The following BPIFB4 variants were observed in gnomAD, a reference collection of about 807,000 sequenced individuals.
BPIFB4 encodes BPI fold containing family B member 4.
A neutral mutation model predicts 69.2 loss-of-function variants in BPIFB4; 62 were observed. The observed-to-expected ratio is 0.90, with a 90% CI of 0.73 to 1.11. BPIFB4 has a LOEUF of 1.11. BPIFB4 is among the 50% of genes least tolerant of loss of function. BPIFB4 has a pLI of 0.00. For missense variants in BPIFB4, 789 were observed against 792.0 expected, an observed-to-expected ratio of 1.00 and a Z score of 0.04; for synonymous variants, 330 against 332.7, an observed-to-expected ratio of 0.99 and a Z score of 0.09.
chr20:33,086,160 C>T lies in BPIFB4; in HGVS notation c.922C>T (p.Arg308Ter), dbSNP rs150651189. 1.7e-5 allele frequency: 28 copies of T among 1,604,978 alleles called. No homozygotes were observed. Among genetic ancestry groups the T allele is most frequent in the Middle Eastern group, 1.7e-4 (1 of 6,020 alleles). ...AGGGGGCATCAAAGTCAAGCTGCTGCGAGGGTGAGTGCTAGCCGGCAGTGG... is the reference window on the plus strand; with the variant it reads ...AGGGGGCATCAAAGTCAAGCTGCTGTGAGGGTGAGTGCTAGCCGGCAGTGG... ...LLGGIKVKLL[R>*]GLLPNLVDNL... Residue 308 changes from arginine (R) to a stop codon, truncating the protein, a stop_gained, in exon 7 of 18, where the codon CGA (arginine) becomes TGA (stop). Transcript: ENST00000375483. LOFTEE classifies it high-confidence loss of function.
intron 8 of BPIFB4, 111 bp from the exon 9 acceptor site, chr20:33,089,387 C>T: frequency 6.5e-7 from 1 of 1,538,276 alleles, no homozygotes; most frequent in South Asian, 1.2e-5. Context: ...GAGTGCCTGG[C>T]ACAGAGCAAG....
chr20:33,097,911 T>C (rs1350258714), intron 13 of BPIFB4, 124 bp downstream of exon 13: 18 of 1,102,578 alleles, frequency 1.6e-5, no homozygotes, highest in East Asian at 7.9e-5. Context: ...GGGCCCAACT[T>C]TGGGGCCAGA....
chr20:33,086,150 C>G lies in BPIFB4; in HGVS notation c.912C>G (p.Val304=), dbSNP rs1265812989. ...RCDTLLGGIK[V]KLLRGLLPNL... ...ACACCCTCCTAGGGGGCATCAAAGT[C>G]AAGCTGCTGCGAGGGTGAGTGCTAG... Residue 304 remains valine (V), a synonymous_variant, in exon 7 of 18, where the codon GTC becomes GTG. Transcript: ENST00000375483. 6.2e-7 allele frequency: 1 copy of G among 1,605,952 alleles called. No homozygotes were observed. Among genetic ancestry groups the G allele is most frequent in the Non-Finnish European group, 8.5e-7 (1 of 1,173,306 alleles).
Position 33,111,434 on chromosome 20 carries a change from A to G in BPIFB4, c.1842A>G (p.Ala614=), listed in dbSNP as rs954905803. 1 of 1,613,916 alleles carries G rather than the reference A, an allele frequency of 6.2e-7. No individual in the cohort carries two copies. Among genetic ancestry groups the G allele is most frequent in the Admixed American group, 1.7e-5 (1 of 59,994 alleles). ...DVLEDLLVLS[A] is the part of the protein sequence containing the mutation. ...CCAAGGACCTTTTGGTGCTGAGCGC[A>G]TGAGTGACAGAGGCAGAGATGCTGC... The change falls in exon 18 of 18, where the codon GCA becomes GCG. Residue 614 remains alanine (A), a synonymous_variant. Coordinates refer to ENST00000375483, the MANE Select transcript of BPIFB4 (RefSeq NM_182519.3).
At chr20:33,108,927 G>A (rs564020153) in intron 17 of BPIFB4, among the ~76,000 whole-genome samples, 78 of 152,210 alleles carry the variant, frequency 5.1e-4, no homozygotes, top group African/African-American at 1.8e-3. Context: ...CTTGCCGAAG[G>A]AAATTGCCCC....
At chr20:33,080,986 T>C (rs956270725) in intron 2 of BPIFB4, among the ~76,000 whole-genome samples, 3 of 152,108 alleles carry the variant, frequency 2.0e-5, no homozygotes, top group Admixed American at 6.5e-5. Flanking sequence ...TGGATAGATA[T>C]ATGGCTTGCT....
At chr20:33,094,498 T>C (rs1264379603) in intron 11 of BPIFB4, among the ~76,000 whole-genome samples, 1 of 139,382 alleles carries the variant, frequency 7.2e-6, no homozygotes, top group Non-Finnish European at 1.5e-5. Flanking sequence ...TTTCTTTTCT[T>C]TTTCTTTCTT....
In BPIFB4 at chr20:33,084,275, G is replaced by T. The variant is rs142166077; in HGVS notation, c.677+401G>T. Among the ~76,000 whole-genome samples the T allele has an allele frequency of 1.2e-4, 19 of 152,332 alleles. No individual in the cohort carries two copies. The East Asian group carries it at 3.7e-3, about 29-fold the overall frequency. ...ATGTTTAATTTAACAAATATTTAAA[G>T]CTCCTGCTATGTGCAGAGTACTGTG... On this transcript the variant is annotated intron_variant, in intron 5 of 17. Transcript: ENST00000375483.
intron 11 of BPIFB4, 85 bp from the exon 12 acceptor site, chr20:33,095,015 T>C (rs749733444): frequency 3.4e-5 from 44 of 1,307,612 alleles, no homozygotes; most frequent in Non-Finnish European, 4.5e-5. Flanking sequence ...TTGTAAAGCA[T>C]GTAGGAGTTT....
intron 16 of BPIFB4, among the ~76,000 whole-genome samples, chr20:33,106,304 G>A (rs571852531): frequency 2.6e-5 from 4 of 152,062 alleles, no homozygotes; most frequent in Non-Finnish European, 4.4e-5. Flanking sequence ...TACTTCACTC[G>A]GCAAACATTT....
At position 33,083,004 on chromosome 20, in the gene BPIFB4, A is replaced by G; in HGVS notation, c.169+4A>G. 6.2e-7 allele frequency: 1 copy of G among 1,604,346 alleles called. No individual in the cohort carries two copies. The highest frequency in any genetic ancestry group is 2.3e-5 in the East Asian group (1 of 44,350). ...GCCCTGAGAGAGGTGCCCTTGGGTA[A>G]AGCCCGTGGTGATGGTGGTGGGCCT... On this transcript the variant is annotated splice_donor_region_variant and intron_variant, in intron 4 of 17. Coordinates refer to ENST00000375483, the MANE Select transcript of BPIFB4 (RefSeq NM_182519.3).
intron 5 of BPIFB4, 141 bp from the exon 6 acceptor site, chr20:33,084,751 C>G: frequency 7.0e-7 from 1 of 1,432,024 alleles, no homozygotes; most frequent in Non-Finnish European, 9.2e-7. Flanking sequence ...CACATTCTGT[C>G]CTTGAACTGC....
rs1365511830 is a variant in BPIFB4 at position 33,092,453 on chromosome 20, C to T, written c.1144-5C>T. On this transcript the variant is annotated splice_polypyrimidine_tract_variant and splice_region_variant and intron_variant, in intron 10 of 17. Coordinates refer to ENST00000375483, the MANE Select transcript of BPIFB4 (RefSeq NM_182519.3). ...CTGTGACCCCTTTCTTCTCTTCTCCCCCAGACGCTGGTTGGGGAGGCTGGA... is the reference window on the plus strand; with the variant it reads ...CTGTGACCCCTTTCTTCTCTTCTCCTCCAGACGCTGGTTGGGGAGGCTGGA... The T allele has an allele frequency of 6.2e-7, 1 of 1,611,636 alleles. No homozygotes were observed. The highest frequency in any genetic ancestry group is 1.7e-5 in the Admixed American group (1 of 59,968).
intron 11 of BPIFB4, 123 bp downstream of exon 11, chr20:33,092,781 G>A: frequency 3.4e-6 from 3 of 892,820 alleles, no homozygotes; most frequent in Non-Finnish European, 3.5e-6. Context: ...TCCACCCCTT[G>A]ACTCACCTCC....
chr20:33,083,351 A>G lies in BPIFB4; in HGVS notation c.170-16A>G. ...ACACCATTACAATGACTACAGACGC[A>G]TTGAATTCCCCCGAGGTGTTGGTGA... On this transcript the variant is annotated splice_polypyrimidine_tract_variant and intron_variant, in intron 4 of 17. Coordinates refer to ENST00000375483, the MANE Select transcript of BPIFB4 (RefSeq NM_182519.3). 1 of 1,608,066 alleles carries G rather than the reference A, an allele frequency of 6.2e-7. No individual in the cohort carries two copies. Among genetic ancestry groups the G allele is most frequent in the Non-Finnish European group, 8.5e-7 (1 of 1,176,096 alleles).
At chr20:33,110,885 G>A (rs1213348886) in intron 17 of BPIFB4, among the ~76,000 whole-genome samples, 26 of 146,210 alleles carry the variant, frequency 1.8e-4, no homozygotes, top group African/African-American at 5.1e-4. Context: ...GCGCGATCTC[G>A]GCTCACTGTA....
Position 33,111,546 on chromosome 20 carries a change from G to A in BPIFB4, c.*109G>A. 2 of 1,393,770 alleles carry A rather than the reference G, an allele frequency of 1.4e-6. No individual in the cohort carries two copies. Among genetic ancestry groups the A allele is most frequent in the Non-Finnish European group, 2.0e-6 (2 of 996,574 alleles). The allele number at this position is 1,393,770 out of a possible 1,614,324, so 86.3% of individuals were successfully genotyped here. A position where few individuals can be genotyped will look rare whatever the true frequency, so the allele number is the denominator to read the frequency against. ...CAGAGTCCCCTCAGCCTCCATGACA[G>A]GTCCCTCCCTGGCCCCCCAACCCTC... On this transcript the variant is annotated 3_prime_UTR_variant, in exon 18 of 18. Transcript: ENST00000375483.
rs964139319 is a variant in BPIFB4, at chr20:33,084,861, C to T, written c.678-31C>T. On this transcript the variant is annotated intron_variant, in intron 5 of 17. Transcript: ENST00000375483. ...GTGAGTGGGTGGTAGTTGGGGTGGC[C>T]GGCCTTCTCACCACTCTGTGTCCCG... 2.1e-5 allele frequency: 34 copies of T among 1,597,346 alleles called. No individual in the cohort carries two copies. The Middle Eastern group carries it at 6.6e-4, about 31-fold the overall frequency.
chr20:33,091,638 C>T (rs1012347292), intron 10 of BPIFB4, among the ~76,000 whole-genome samples: 2 of 152,252 alleles, frequency 1.3e-5, no homozygotes, highest in African/African-American at 2.4e-5. Flanking sequence ...CATAAACATA[C>T]ATCTGTTGAA....
Sources: allele counts gnomAD v4.1 joint callset (sites outside exome capture counted in the v4.1 genomes callset), GRCh38; gene constraint gnomAD v4.1.1; transcripts MANE v1.5; gene names NCBI Gene and HGNC (gene_info 2026-07-23, HGNC 2026-07-21).